The following IZUMO3 variants were observed in gnomAD, a reference collection of about 807,000 sequenced individuals.
The protein encoded by IZUMO3 is IZUMO family member 3.
A neutral mutation model predicts 28.4 loss-of-function variants in IZUMO3; 36 were observed. The observed-to-expected ratio is 1.27, with a 90% CI of 0.97 to 1.67. The LOEUF is 1.67. IZUMO3 is among the 40% of genes most tolerant of loss of function. The probability of loss-of-function intolerance (pLI) is 0.00; values close to 1 mark genes in which losing one functional copy is unlikely to be tolerated. For synonymous variants in IZUMO3, 126 were observed against 99.2 expected, an observed-to-expected ratio of 1.27 and a Z score of -1.61; for missense variants, 387 against 278.5, an observed-to-expected ratio of 1.39 and a Z score of -2.77.
chr9:24,545,671 C>T lies in IZUMO3; in HGVS notation c.-22G>A. The T allele has an allele frequency of 6.5e-7, 1 of 1,534,676 alleles. No individual in the cohort carries two copies. The highest frequency in any genetic ancestry group is 1.2e-5 in the South Asian group (1 of 83,996). On this transcript the variant is annotated 5_prime_UTR_variant, in exon 1 of 7. Transcript: ENST00000543880. ...CCATTTCTTTCTTCACCCCCGCTCC[C>T]CGACAGCAGGTTGTCCTGGCAACTA...
chr9:24,544,004 C>T (rs966759541), intron 5 of IZUMO3, among the ~76,000 whole-genome samples, 197 bp downstream of exon 5: 2 of 152,062 alleles, frequency 1.3e-5, no homozygotes, highest in Non-Finnish European at 2.9e-5. Flanking sequence ...CATTTCTCAG[C>T]CTTTCAGTTG....
At chr9:24,544,344 AC>A (rs1348984005) in intron 4 of IZUMO3, 63 bp from the exon 5 acceptor site, 1 of 1,131,656 alleles carries the variant, frequency 8.8e-7, no homozygotes, top group African/African-American at 1.5e-5. Context: ...CCTTAGTCAT[AC>A]ATCAAGTGTG....
Position 24,543,351 on chromosome 9 carries a change from A to C in IZUMO3, c.598T>G (p.Phe200Val). The change falls in exon 7 of 7, where the codon TTT becomes GTT. Residue 200 changes from phenylalanine (F) to valine (V), a missense_variant. Transcript: ENST00000543880. ...ATTGCCTTCATTTTCCTCCGATGAA[A>C]GATGCAAAAATGGAATCTAGAGTAG... ...SAVLLFHFCI[F>V]HRRKMKAIRR... The C allele has an allele frequency of 6.5e-7, 1 of 1,545,180 alleles. No homozygotes were observed. The highest frequency in any genetic ancestry group is 8.7e-7 in the Non-Finnish European group (1 of 1,144,540).
chr9:24,543,219 G>C lies in IZUMO3; in HGVS notation c.*10C>G. The stretch of plus-strand genomic sequence containing the variant: ...GAATCATGAAAGACTTCTTGTCCAT[G>C]TTGATGTGTTTATTTTCTGAGTCTA... On this transcript the variant is annotated 3_prime_UTR_variant, in exon 7 of 7. Coordinates refer to ENST00000543880, the MANE Select transcript of IZUMO3 (RefSeq NM_001365008.2). The C allele has an allele frequency of 6.5e-7, 1 of 1,536,512 alleles. No individual in the cohort carries two copies. Among genetic ancestry groups the C allele is most frequent in the Non-Finnish European group, 8.8e-7 (1 of 1,140,014 alleles).
chr9:24,544,826 A>T (rs1029438099), intron 3 of IZUMO3, 66 bp from the exon 4 acceptor site: 32 of 1,478,782 alleles, frequency 2.2e-5, no homozygotes, highest in Non-Finnish European at 3.0e-5. Flanking sequence ...TTTATACCCA[A>T]GTAGTCTTTG....
At chr9:24,545,185 A>T (rs919053593) in intron 2 of IZUMO3, 27 bp downstream of exon 2, 1 of 1,541,704 alleles carries the variant, frequency 6.5e-7, no homozygotes, top group East Asian at 2.4e-5. Flanking sequence ...AGCAATACAA[A>T]CTTTTAACAT....
At chr9:24,543,448 T>G (rs1413179613) in intron 6 of IZUMO3, 81 bp from the exon 7 acceptor site, 9 of 779,944 alleles carry the variant, frequency 1.2e-5, no homozygotes, top group Middle Eastern at 7.1e-4. Flanking sequence ...GTTTTTTTTT[T>G]TTTTTTTTTT....
At position 24,544,961 on chromosome 9, in the gene IZUMO3, G is replaced by C; in HGVS notation, c.391+11C>G. On this transcript the variant is annotated intron_variant, in intron 3 of 6. Coordinates refer to ENST00000543880, the MANE Select transcript of IZUMO3 (RefSeq NM_001365008.2). ...TAACTTCAGTGCTGTTATATAGAAA[G>C]TTTTACTTACCAATTTCAGAGAAGT... 6.5e-7 allele frequency: 1 copy of C among 1,535,158 alleles called. No individual in the cohort carries two copies. The highest frequency in any genetic ancestry group is 8.8e-7 in the Non-Finnish European group (1 of 1,133,048).
Position 24,543,259 on chromosome 9 carries a change from C to A in IZUMO3, c.690G>T (p.Lys230Asn). Residue 230 changes from lysine to asparagine, a missense_variant, in exon 7 of 7, where the codon AAG becomes AAT. Lys to Asn is a moderately conservative substitution (Grantham distance 94, BLOSUM62 0). Coordinates refer to ENST00000543880, the MANE Select transcript of IZUMO3 (RefSeq NM_001365008.2). ...TTCTGAGTCTAAAGTCTTTCTCCTC[C>A]TTCTCATCTATCTTCCCCATTAATT... ...LEELMGKIDE[K>N]EEKDFRLRK 6.5e-7 allele frequency: 1 copy of A among 1,545,432 alleles called. No homozygotes were observed. Among genetic ancestry groups the A allele is most frequent in the South Asian group, 1.2e-5 (1 of 83,518 alleles).
intron 5 of IZUMO3, 36 bp downstream of exon 5, chr9:24,544,165 T>C: frequency 1.4e-6 from 2 of 1,401,100 alleles, no homozygotes; most frequent in South Asian, 1.2e-5. Context: ...CCTTAATCCC[T>C]GTCCCTTCAA....
At chr9:24,544,617 C>T (rs1819539440) in intron 4 of IZUMO3, 126 bp downstream of exon 4, 1 of 803,822 alleles carries the variant, frequency 1.2e-6, no homozygotes. Context: ...TGACGTTACC[C>T]CTTGTAACCA....
chr9:24,544,738 C>G lies in IZUMO3; in HGVS notation c.409+5G>C. On this transcript the variant is annotated splice_donor_5th_base_variant and intron_variant, in intron 4 of 6. Coordinates refer to ENST00000543880, the MANE Select transcript of IZUMO3 (RefSeq NM_001365008.2). ...ACCTCAAGGCGTCACATGTACTGTA[C>G]TCACTGCAATCTTCAGAACAAGCTA... 1 of 1,549,944 alleles carries G rather than the reference C, an allele frequency of 6.5e-7. No homozygotes were observed.
At chr9:24,543,482 T>G (rs979038154) in intron 6 of IZUMO3, 115 bp from the exon 7 acceptor site, 73 of 558,682 alleles carry the variant, frequency 1.3e-4, no homozygotes, top group Non-Finnish European at 1.6e-4. Context: ...TGCTGGATAC[T>G]TCTCCATTTC....
In IZUMO3 at chr9:24,543,317, G is replaced by A. The variant is rs1819493058; in HGVS notation, c.632C>T (p.Ser211Leu). The change falls in exon 7 of 7, where the codon TCG becomes TTG. Residue 211 changes from serine to leucine, a missense_variant. Transcript: ENST00000543880. ...HRRKMKAIRR[S>L]LKEYVEKKLE... ...TTTCTTCTCCACATATTCCTTTAGC[G>A]ACCTTCGTATTGCCTTCATTTTCCT... The A allele has an allele frequency of 7.1e-6, 11 of 1,547,912 alleles. No homozygotes were observed. Among genetic ancestry groups the A allele is most frequent in the Middle Eastern group, 1.7e-4 (1 of 6,006 alleles).
rs1259630925 is a variant in IZUMO3, at chr9:24,543,651, A to T, written c.581+13T>A. On this transcript the variant is annotated intron_variant, in intron 6 of 6. Transcript: ENST00000543880. Reference sequence around the variant, plus strand: ...TATTTGACCCAGTGTTTATTTGGAGAGAAGAAACTCACAGTAACACAGCAC... The same window carrying T: ...TATTTGACCCAGTGTTTATTTGGAGTGAAGAAACTCACAGTAACACAGCAC... The T allele has an allele frequency of 6.6e-7, 1 of 1,514,982 alleles. No individual in the cohort carries two copies. Among genetic ancestry groups the T allele is most frequent in the Non-Finnish European group, 9.0e-7 (1 of 1,115,448 alleles). The allele number at this position is 1,514,982 out of a possible 1,614,324, so 93.8% of individuals were successfully genotyped here.
rs1819580248 is a variant in IZUMO3 at position 24,545,764 on chromosome 9, C to G, written c.-115G>C. On this transcript the variant is annotated 5_prime_UTR_variant, in exon 1 of 7. Coordinates refer to ENST00000543880, the MANE Select transcript of IZUMO3 (RefSeq NM_001365008.2). ...CCTGGTTCTGGATAGTCTGACTCCA[C>G]TTTTCCCGCTGTTTCCATCCCACTA... 2.0e-6 allele frequency: 3 copies of G among 1,533,328 alleles called. No homozygotes were observed. Among genetic ancestry groups the G allele is most frequent in the Non-Finnish European group, 2.6e-6 (3 of 1,140,354 alleles). 95.0% of individuals were successfully genotyped at this position (1,533,328 alleles called of 1,614,324 possible).
At position 24,545,724 on chromosome 9, in the gene IZUMO3, A is replaced by G; in HGVS notation, c.-75T>C. On this transcript the variant is annotated 5_prime_UTR_variant, in exon 1 of 7. Coordinates refer to ENST00000543880, the MANE Select transcript of IZUMO3 (RefSeq NM_001365008.2). ...TCACTTAGTTCCTTTTCCTTCAAAAATCCGGGAATGAGAGCCTGGTTCTGG... is the reference window on the plus strand; with the variant it reads ...TCACTTAGTTCCTTTTCCTTCAAAAGTCCGGGAATGAGAGCCTGGTTCTGG... 1 of 1,533,236 alleles carries G rather than the reference A, an allele frequency of 6.5e-7. No individual in the cohort carries two copies. Among genetic ancestry groups the G allele is most frequent in the Non-Finnish European group, 8.8e-7 (1 of 1,142,518 alleles). The allele number at this position is 1,533,236 out of a possible 1,614,324, so 95.0% of individuals were successfully genotyped here.
rs1819529984 is a variant in IZUMO3 at position 24,544,301 on chromosome 9, A to T, written c.410-20T>A. The stretch of plus-strand genomic sequence containing the variant: ...CCACAACTGATAAAGAGGAGAAGAA[A>T]GATAATCAGAAAGAGGGCATGGCAC... On this transcript the variant is annotated intron_variant, in intron 4 of 6. Transcript: ENST00000543880. The T allele has an allele frequency of 6.6e-7, 1 of 1,526,416 alleles. No homozygotes were observed. The highest frequency in any genetic ancestry group is 1.4e-5 in the African/African-American group (1 of 72,548). 94.6% of individuals were successfully genotyped at this position (1,526,416 alleles called of 1,614,324 possible).
chr9:24,543,560 T>C, intron 6 of IZUMO3, 104 bp downstream of exon 6: 1 of 925,762 alleles, frequency 1.1e-6, no homozygotes, highest in Non-Finnish European at 1.6e-6. Flanking sequence ...GAATTTAAAA[T>C]GACTTCTTTT....
Sources: allele counts gnomAD v4.1 joint callset (sites outside exome capture counted in the v4.1 genomes callset), GRCh38; gene constraint gnomAD v4.1.1; transcripts MANE v1.5; gene names NCBI Gene and HGNC (gene_info 2026-07-23, HGNC 2026-07-21).